GALNT13: variants seen among roughly 807,000 people sequenced by gnomAD.
The protein encoded by GALNT13 is polypeptide N-acetylgalactosaminyltransferase 13, also known as UDP-GalNAc:polypeptide N-acetylgalactosaminyltransferase 13.
A neutral mutation model predicts 64.2 loss-of-function variants in GALNT13; 28 were observed. That is an observed-to-expected ratio of 0.44 (90% confidence interval 0.32 to 0.60). The LOEUF (loss-of-function observed/expected upper bound fraction) is 0.60, where lower values mean the gene tolerates loss of function less well. Among genes scored for constraint, GALNT13 ranks in the 20% least tolerant of loss-of-function variants. The pLI is 0.05. For missense variants in GALNT13, 577 were observed against 669.8 expected (o/e 0.86, Z 1.53); for synonymous variants, 214 against 224.6 (o/e 0.95, Z 0.42).
At chr2:153,238,917 G>A in the GALNT13 span, among the ~76,000 whole-genome samples, 1 of 152,020 alleles carries the variant, frequency 6.6e-6, no homozygotes, top group Non-Finnish European at 1.5e-5. Flanking sequence ...TGTTGAATCT[G>A]CAGATTGCTT....
the GALNT13 span, among the ~76,000 whole-genome samples, chr2:153,163,264 T>C: frequency 1.3e-5 from 2 of 152,056 alleles, no homozygotes; most frequent in African/African-American, 4.8e-5. Context: ...CACCAGGGGG[T>C]AGTCTGGATC....
At chr2:153,432,368 T>G in the GALNT13 span, among the ~76,000 whole-genome samples, 4 of 152,288 alleles carry the variant, frequency 2.6e-5, no homozygotes, top group Admixed American at 2.6e-4. Context: ...AGGAATCAAA[T>G]GGTTTGGAAT....
At chr2:153,946,551 G>A (rs935621628) in intron 3 of GALNT13, among the ~76,000 whole-genome samples, 4 of 152,042 alleles carry the variant, frequency 2.6e-5, no homozygotes, top group South Asian at 2.1e-4. Context: ...CAGATGCAAC[G>A]TCTGATAAGG....
At chr2:153,362,553 CAAAAAAA>C in the GALNT13 span, among the ~76,000 whole-genome samples, 7 of 80,318 alleles carry the variant, frequency 8.7e-5, no homozygotes, top group Middle Eastern at 8.9e-3. Flanking sequence ...AAATGGAGAG[CAAAAAAA>C]AAAAAAAAAA....
At chr2:154,078,101 G>C (rs1158539241) in intron 3 of GALNT13, among the ~76,000 whole-genome samples, 1 of 151,486 alleles carries the variant, frequency 6.6e-6, no homozygotes, top group Non-Finnish European at 1.5e-5. Flanking sequence ...TCAGAAAACA[G>C]TTATTAAACA....
chr2:153,183,479 T>A, the GALNT13 span, among the ~76,000 whole-genome samples: 1 of 152,190 alleles, frequency 6.6e-6, no homozygotes, highest in Non-Finnish European at 1.5e-5. Context: ...TTTAATTAGA[T>A]CTCATTTGTC....
At chr2:153,405,444 T>C in the GALNT13 span, among the ~76,000 whole-genome samples, 2 of 152,200 alleles carry the variant, frequency 1.3e-5, no homozygotes, top group Admixed American at 6.5e-5. Flanking sequence ...TATAACACTT[T>C]GGGGCCTGTG....
chr2:153,684,966 C>G, the GALNT13 span, among the ~76,000 whole-genome samples: 1 of 151,620 alleles, frequency 6.6e-6, no homozygotes, highest in Non-Finnish European at 1.5e-5. Flanking sequence ...CATTCATGTC[C>G]CTGCAAAGGA....
chr2:154,344,575 G>C (rs1005036421), intron 9 of GALNT13, among the ~76,000 whole-genome samples: 8 of 151,988 alleles, frequency 5.3e-5, no homozygotes, highest in African/African-American at 1.4e-4. Context: ...TTCCTATGAA[G>C]ATTCCAGCTC....
At chr2:153,656,050 T>C in the GALNT13 span, among the ~76,000 whole-genome samples, 8 of 152,140 alleles carry the variant, frequency 5.3e-5, no homozygotes, top group African/African-American at 1.4e-4. Flanking sequence ...CTGTGAATGG[T>C]ATGTCTCCGT....
At chr2:154,315,987 C>A (rs1291655655) in intron 9 of GALNT13, among the ~76,000 whole-genome samples, 1 of 152,106 alleles carries the variant, frequency 6.6e-6, no homozygotes, top group Non-Finnish European at 1.5e-5. Context: ...ACTCAGAAGG[C>A]TGAGGCAGTA....
At chr2:153,956,593 T>A (rs1378496323) in intron 3 of GALNT13, among the ~76,000 whole-genome samples, 2 of 152,196 alleles carry the variant, frequency 1.3e-5, no homozygotes, top group African/African-American at 4.8e-5. Context: ...TACTCTTTCT[T>A]TATATCATTC....
intron 9 of GALNT13, among the ~76,000 whole-genome samples, chr2:154,371,340 CCAGGTAATTATAATGTTGCTGTCAATG>C (rs1697672784): frequency 6.6e-6 from 1 of 152,048 alleles, no homozygotes; most frequent in East Asian, 1.9e-4. Context: ...TAATGAGTTT[CCAGGTAATTATAATGTTGCTGTCAATG>C]TTGTGAATCA....
the GALNT13 span, among the ~76,000 whole-genome samples, chr2:153,355,223 T>A: frequency 6.6e-6 from 1 of 152,220 alleles, no homozygotes; most frequent in Admixed American, 6.5e-5. Flanking sequence ...GCAAATGTTT[T>A]CTTTCTTAAC....
chr2:153,146,220 A>G, the GALNT13 span, among the ~76,000 whole-genome samples: 1 of 151,416 alleles, frequency 6.6e-6, no homozygotes, highest in Non-Finnish European at 1.5e-5. Flanking sequence ...TTTTCTAAAA[A>G]TGGAGAGTAG....
the GALNT13 span, among the ~76,000 whole-genome samples, chr2:153,577,043 G>A: frequency 1.3e-5 from 2 of 152,098 alleles, no homozygotes; most frequent in Non-Finnish European, 2.9e-5. Flanking sequence ...ATGTGTGTAT[G>A]TGTATGGCAT....
At chr2:153,989,842 A>G (rs895597428) in intron 3 of GALNT13, among the ~76,000 whole-genome samples, 2 of 152,114 alleles carry the variant, frequency 1.3e-5, no homozygotes, top group African/African-American at 2.4e-5. Flanking sequence ...CTCAGAATGC[A>G]TGGTGTTTTG....
the GALNT13 span, among the ~76,000 whole-genome samples, chr2:153,711,467 G>A: frequency 3.3e-5 from 5 of 151,934 alleles, no homozygotes; most frequent in East Asian, 1.9e-4. Context: ...TAATCCATGC[G>A]GCCATGCCTA....
At chr2:153,608,830 A>C in the GALNT13 span, among the ~76,000 whole-genome samples, 10 of 147,698 alleles carry the variant, frequency 6.8e-5, no homozygotes, top group African/African-American at 2.4e-4. Context: ...CTAAAGAATA[A>C]ATATATATTA....
Sources: allele counts gnomAD v4.1 joint callset (sites outside exome capture counted in the v4.1 genomes callset), GRCh38; gene constraint gnomAD v4.1.1; transcripts MANE v1.5; gene names NCBI Gene and HGNC (gene_info 2026-07-23, HGNC 2026-07-21).